HFM1: variants seen among roughly 807,000 people sequenced by gnomAD.
HFM1 encodes the protein probable ATP-dependent DNA helicase HFM1.
A neutral mutation model predicts 192.1 loss-of-function variants in HFM1; 169 were observed. The observed-to-expected ratio is 0.88, with a 90% CI of 0.78 to 1.00. The LOEUF (loss-of-function observed/expected upper bound fraction) is 1.00, where lower values mean the gene tolerates loss of function less well. HFM1 is among the 50% of genes least tolerant of loss of function. HFM1 has a pLI of 0.00. For synonymous variants in HFM1, 525 were observed against 537.8 expected, an observed-to-expected ratio of 0.98 and a Z score of 0.33; for missense variants, 1,661 against 1,668.0, an observed-to-expected ratio of 1.00 and a Z score of 0.07.
chr1:91,351,795 C>T, intron 16 of HFM1, 152 bp from the exon 17 acceptor site: 2 of 406,064 alleles, frequency 4.9e-6, no homozygotes, highest in African/African-American at 2.1e-5. Context: ...ATTTTTTTAA[C>T]CTAAAATTTA....
intron 35 of HFM1, among the ~76,000 whole-genome samples, chr1:91,267,483 C>T (rs1241886236): frequency 6.6e-6 from 1 of 152,050 alleles, no homozygotes; most frequent in Admixed American, 6.5e-5. Flanking sequence ...TTGACTTTTA[C>T]AAGAGATAGG....
chr1:91,348,069 G>A (rs191991192), intron 18 of HFM1, among the ~76,000 whole-genome samples: 58 of 152,218 alleles, frequency 3.8e-4, no homozygotes, highest in Admixed American at 3.7e-3. Context: ...AGGAGCATGA[G>A]GGAACATCTA....
At chr1:91,263,597 T>A (rs1364182270) in intron 36 of HFM1, among the ~76,000 whole-genome samples, 7 of 151,826 alleles carry the variant, frequency 4.6e-5, no homozygotes, top group East Asian at 1.9e-4. Context: ...AAATTTTTTT[T>A]AATTACCCAG....
At chr1:91,286,057 G>C (rs1667939191) in intron 30 of HFM1, among the ~76,000 whole-genome samples, 1 of 152,136 alleles carries the variant, frequency 6.6e-6, no homozygotes, top group South Asian at 2.1e-4. Context: ...AGAAGCTGTA[G>C]TTTCCTTTAA....
At chr1:91,404,887 A>G (rs1291267351), upstream of HFM1, 2 of 455,444 alleles carry the variant, frequency 4.4e-6, no homozygotes, top group Admixed American at 4.7e-5. Flanking sequence ...GCTCCAAGCA[A>G]TGGATCGCCC....
At chr1:91,310,547 A>G (rs1470232751) in intron 30 of HFM1, among the ~76,000 whole-genome samples, 1 of 152,226 alleles carries the variant, frequency 6.6e-6, no homozygotes, top group Non-Finnish European at 1.5e-5. Flanking sequence ...AAAAACGTAT[A>G]CTGACATGGT....
At chr1:91,336,996 C>T (rs553926207) in intron 20 of HFM1, among the ~76,000 whole-genome samples, 7 of 152,248 alleles carry the variant, frequency 4.6e-5, no homozygotes, top group East Asian at 1.9e-4. Flanking sequence ...AACCAAGCAC[C>T]GCATGTTCTC....
chr1:91,405,148 G>A (rs1227863274), upstream of HFM1, among the ~76,000 whole-genome samples: 2 of 151,934 alleles, frequency 1.3e-5, no homozygotes, highest in Non-Finnish European at 2.9e-5. Flanking sequence ...TGGGACTTCC[G>A]GTCTCTTCGT....
chr1:91,370,700 T>C (rs1314060773), intron 13 of HFM1, among the ~76,000 whole-genome samples: 1 of 152,154 alleles, frequency 6.6e-6, no homozygotes, highest in Non-Finnish European at 1.5e-5. Flanking sequence ...ATGCCCTCTC[T>C]CACCACTCCT....
At chr1:91,272,550 C>T (rs1268032520) in intron 34 of HFM1, among the ~76,000 whole-genome samples, 1 of 151,900 alleles carries the variant, frequency 6.6e-6, no homozygotes, top group Non-Finnish European at 1.5e-5. Context: ...GATAGACAAG[C>T]TCTTGTATGC....
Position 91,289,110 on chromosome 1 carries a change from C to T in HFM1, c.3392-12048G>A, listed in dbSNP as rs1044647402. On this transcript the variant is annotated intron_variant, in intron 30 of 38. Coordinates refer to ENST00000370425, the MANE Select transcript of HFM1 (RefSeq NM_001017975.6). The stretch of plus-strand genomic sequence containing the variant: ...GACACTCCTCACTTCCCAGATGGGG[C>T]GGCTGCCAGGCGGAGGGGCTCCTCA... Among the ~76,000 whole-genome samples, 31 of 151,880 alleles carry T rather than the reference C, an allele frequency of 2.0e-4. 1 individual carries two copies. In the Middle Eastern group the frequency reaches 0.01, roughly 50 times the overall value.
At chr1:91,328,052 T>G (rs1348099629) in intron 20 of HFM1, among the ~76,000 whole-genome samples, 1 of 151,944 alleles carries the variant, frequency 6.6e-6, no homozygotes, top group East Asian at 1.9e-4. Context: ...ATGATGCATC[T>G]TAAAGAACTA....
intron 30 of HFM1, among the ~76,000 whole-genome samples, chr1:91,289,579 A>G (rs549777194): frequency 3.3e-5 from 5 of 152,158 alleles, no homozygotes; most frequent in Non-Finnish European, 4.4e-5. Context: ...AACATTGAGC[A>G]CTGAGTGAGC....
At chr1:91,311,052 C>G (rs1020180310) in intron 30 of HFM1, among the ~76,000 whole-genome samples, 1 of 152,120 alleles carries the variant, frequency 6.6e-6, no homozygotes, top group Non-Finnish European at 1.5e-5. Context: ...TTTGGAACTT[C>G]CTAGAGAATT....
rs375403709 is a variant in HFM1, at chr1:91,274,787, C to T, written c.3611G>A (p.Ser1204Asn). 38 of 1,571,106 alleles carry T rather than the reference C, an allele frequency of 2.4e-5. No homozygotes were observed. Among genetic ancestry groups the T allele is most frequent in the Admixed American group, 3.4e-5 (2 of 59,316 alleles). ...RLKIQMNKSQ[S>N]VDLKEFGFTP... ...AAAACCAAACTCTTTAAGGTCCACA[C>T]TTTGAGATTTATTCATCTGTATCTA... The change falls in exon 33 of 39, where the codon AGT (serine) becomes AAT (asparagine). Residue 1204 changes from serine to asparagine, a missense_variant. Coordinates refer to ENST00000370425, the MANE Select transcript of HFM1 (RefSeq NM_001017975.6).
intron 20 of HFM1, among the ~76,000 whole-genome samples, chr1:91,337,668 T>G (rs554592028): frequency 2.0e-5 from 3 of 152,266 alleles, no homozygotes; most frequent in African/African-American, 7.2e-5. Flanking sequence ...TGTCACCCTG[T>G]GACCTGCAGA....
At chr1:91,299,303 A>C (rs1390750231) in intron 30 of HFM1, among the ~76,000 whole-genome samples, 2 of 152,194 alleles carry the variant, frequency 1.3e-5, no homozygotes, top group African/African-American at 4.8e-5. Context: ...AGAGACCTAC[A>C]AAGAGACTTA....
chr1:91,391,450 C>T (rs1400480333), intron 4 of HFM1, among the ~76,000 whole-genome samples: 1 of 152,136 alleles, frequency 6.6e-6, no homozygotes, highest in East Asian at 1.9e-4. Flanking sequence ...TAATATCACA[C>T]ATCTACAACC....
chr1:91,338,962 G>T (rs567582555), intron 20 of HFM1: 1 of 455,700 alleles, frequency 2.2e-6, no homozygotes, highest in South Asian at 1.5e-5. Context: ...AACCTCGAGG[G>T]GCCAGCAAAC....
Sources: gnomAD v4.1 joint callset for allele counts (sites outside exome capture counted in the v4.1 genomes callset) on GRCh38, gnomAD v4.1.1 for gene constraint, MANE v1.5 for transcripts, NCBI Gene and HGNC (gene_info 2026-07-23, HGNC 2026-07-21) for gene names.